KCNJ6: variants seen among roughly 807,000 people sequenced by gnomAD.
KCNJ6 encodes G protein-activated inward rectifier potassium channel 2.
In KCNJ6, 9 loss-of-function variants were observed where a neutral mutation model predicts 34.2. The observed-to-expected ratio is 0.26, with a 90% confidence interval of 0.16 to 0.46. The LOEUF (loss-of-function observed/expected upper bound fraction) is 0.46. Among genes scored for constraint, KCNJ6 ranks in the 20% least tolerant of loss-of-function variants. The pLI is 1.00. For missense variants in KCNJ6, 236 were observed against 531.3 expected (o/e 0.44, Z 5.46); for synonymous variants, 196 against 207.1 (o/e 0.95, Z 0.46).
chr21:37,860,315 G>A (rs962377016), intron 1 of KCNJ6, among the ~76,000 whole-genome samples: 2 of 152,272 alleles, frequency 1.3e-5, no homozygotes, highest in Middle Eastern at 6.8e-3. Flanking sequence ...GGGGCTCTGT[G>A]TTCTAAGCCG....
intron 1 of KCNJ6, among the ~76,000 whole-genome samples, chr21:37,875,879 A>G (rs1366644012): frequency 6.6e-6 from 1 of 152,182 alleles, no homozygotes; most frequent in East Asian, 1.9e-4. Context: ...TCAGGGCTCT[A>G]ACAGCGTTGG....
intron 1 of KCNJ6, among the ~76,000 whole-genome samples, chr21:37,910,802 A>G (rs998694315): frequency 5.3e-5 from 8 of 152,238 alleles, no homozygotes; most frequent in African/African-American, 1.4e-4. Flanking sequence ...CTTGGTTAAA[A>G]TTTAGGGTTA....
chr21:37,882,520 C>T (rs2055714336), intron 1 of KCNJ6, among the ~76,000 whole-genome samples: 1 of 152,196 alleles, frequency 6.6e-6, no homozygotes, highest in East Asian at 1.9e-4. Flanking sequence ...CAGCCCTTCG[C>T]CCCCAGCCTT....
At chr21:37,849,271 T>A (rs1406422700) in intron 1 of KCNJ6, among the ~76,000 whole-genome samples, 7 of 152,164 alleles carry the variant, frequency 4.6e-5, no homozygotes, top group Non-Finnish European at 8.8e-5. Flanking sequence ...GAATTTCCTG[T>A]TGGTCTCATG....
At chr21:37,913,991 C>G (rs1052222034) in intron 1 of KCNJ6, among the ~76,000 whole-genome samples, 1 of 143,216 alleles carries the variant, frequency 7.0e-6, no homozygotes, top group African/African-American at 2.6e-5. Context: ...TAGCAACCCT[C>G]GTCAGAGGCG....
chr21:37,635,069 GT>G (rs577991068), intron 3 of KCNJ6, among the ~76,000 whole-genome samples: 3 of 151,746 alleles, frequency 2.0e-5, no homozygotes, highest in African/African-American at 7.3e-5. Flanking sequence ...TCACTTTGTG[GT>G]TTTTTTTAAA....
intron 2 of KCNJ6, among the ~76,000 whole-genome samples, chr21:37,792,290 T>G (rs2055220647): frequency 1.3e-5 from 2 of 152,226 alleles, no homozygotes; most frequent in African/African-American, 4.8e-5. Context: ...CATCTCTAGT[T>G]CAGTGGATCT....
intron 3 of KCNJ6, among the ~76,000 whole-genome samples, chr21:37,691,480 C>T (rs904158862): frequency 2.0e-5 from 3 of 152,260 alleles, no homozygotes; most frequent in African/African-American, 4.8e-5. Context: ...TCTGGCAGCT[C>T]TTGTTGGAAG....
chr21:37,658,255 G>A (rs934421513), intron 3 of KCNJ6, among the ~76,000 whole-genome samples: 1 of 152,230 alleles, frequency 6.6e-6, no homozygotes, highest in African/African-American at 2.4e-5. Flanking sequence ...GAATTAAATG[G>A]AGAGATGGAA....
chr21:37,668,626 TC>T (rs1177623035), intron 3 of KCNJ6, among the ~76,000 whole-genome samples: 1 of 152,186 alleles, frequency 6.6e-6, no homozygotes, highest in Non-Finnish European at 1.5e-5. Flanking sequence ...CACAGCAGCA[TC>T]CGGAGGCCTG....
rs139572175 is a variant in KCNJ6, at chr21:37,877,830, A to C, written c.-27-37121T>G. ...GGAACTTAATAGAATACCAGGTTTC[A>C]GAACAAAAGTGGGTGTATATTGTCT... On this transcript the variant is annotated intron_variant, in intron 1 of 3. Coordinates refer to ENST00000609713, the MANE Select transcript of KCNJ6 (RefSeq NM_002240.5). 4.3e-3 allele frequency among the ~76,000 whole-genome samples: 653 copies of C among 152,386 alleles called. 4 individuals are homozygous for C. The highest frequency in any genetic ancestry group is 7.1e-3 in the Non-Finnish European group (482 of 68,036).
At chr21:37,875,057 C>T (rs73423462) in intron 1 of KCNJ6, among the ~76,000 whole-genome samples, 2,784 of 152,276 alleles carry the variant, frequency 0.018, 98 homozygotes, top group African/African-American at 0.064. Context: ...CTGTTTCCGA[C>T]GATTGGCGAG....
Position 37,608,167 on chromosome 21 carries a change from T to A in KCNJ6, c.*16992A>T, listed in dbSNP as rs1187773088. The A allele has an allele frequency of 2.0e-5, 3 of 152,230 alleles. No individual in the cohort carries two copies. The highest frequency in any genetic ancestry group is 4.8e-5 in the African/African-American group (2 of 41,468). 9.4% of individuals were successfully genotyped at this position (152,230 alleles called of 1,614,324 possible). ...CTTAGCCTGAAATTCTAAGTCTCTA[T>A]AAATTAGCACCAGTTTTCCAAATGC... On this transcript the variant is annotated 3_prime_UTR_variant, in exon 4 of 4. Coordinates refer to ENST00000609713, the MANE Select transcript of KCNJ6 (RefSeq NM_002240.5).
chr21:37,735,607 A>C (rs1267144882), intron 2 of KCNJ6, among the ~76,000 whole-genome samples: 1 of 152,178 alleles, frequency 6.6e-6, no homozygotes, highest in Non-Finnish European at 1.5e-5. Context: ...CATAGACTCC[A>C]TGCAAGCCCC....
chr21:37,647,511 G>A (rs528420786), intron 3 of KCNJ6, among the ~76,000 whole-genome samples: 1 of 152,258 alleles, frequency 6.6e-6, no homozygotes, highest in South Asian at 2.1e-4. Flanking sequence ...TCACTTTTCA[G>A]ATGCAAACCA....
At chr21:37,802,497 G>GGA (rs1003073459) in intron 2 of KCNJ6, among the ~76,000 whole-genome samples, 2 of 152,128 alleles carry the variant, frequency 1.3e-5, no homozygotes, top group Non-Finnish European at 2.9e-5. Flanking sequence ...TGATGGAAGT[G>GGA]GAGAGAGAGA....
At chr21:37,672,128 C>T (rs1470107089) in intron 3 of KCNJ6, among the ~76,000 whole-genome samples, 1 of 152,146 alleles carries the variant, frequency 6.6e-6, no homozygotes, top group East Asian at 1.9e-4. Flanking sequence ...GACCCCATCT[C>T]TTAAGGGTGA....
At chr21:37,801,112 G>T (rs189053123) in intron 2 of KCNJ6, among the ~76,000 whole-genome samples, 75 of 152,252 alleles carry the variant, frequency 4.9e-4, no homozygotes, top group African/African-American at 1.7e-3. Flanking sequence ...GATAGCTGGG[G>T]TTCTCTGCAT....
intron 3 of KCNJ6, among the ~76,000 whole-genome samples, chr21:37,639,114 G>A (rs1379152711): frequency 6.6e-6 from 1 of 152,194 alleles, no homozygotes; most frequent in Non-Finnish European, 1.5e-5. Context: ...AAGCCAATCA[G>A]AAAGCTTCCC....
Sources: gnomAD v4.1 joint callset for allele counts (sites outside exome capture counted in the v4.1 genomes callset) on GRCh38, gnomAD v4.1.1 for gene constraint, MANE v1.5 for transcripts, NCBI Gene and HGNC (gene_info 2026-07-23, HGNC 2026-07-21) for gene names.